CHODL: variants seen among roughly 807,000 people sequenced by gnomAD.
CHODL encodes transmembrane protein MT75.
CHODL carries 29 observed loss-of-function variants against 34.5 expected under a neutral mutation model. The observed-to-expected ratio is 0.84, with a 90% CI of 0.63 to 1.15. CHODL has a LOEUF of 1.15. Ranked by LOEUF, CHODL falls within the 50% of genes most tolerant of loss-of-function variation. The pLI, the probability that CHODL is intolerant of heterozygous loss-of-function variation, is 0.00. For missense variants in CHODL, 332 were observed against 332.5 expected (o/e 1.00, Z 0.01); for synonymous variants, 125 against 116.1 (o/e 1.08, Z -0.49).
intron 2 of CHODL, among the ~76,000 whole-genome samples, chr21:18,032,242 G>A (rs1399637909): frequency 1.3e-5 from 2 of 151,896 alleles, no homozygotes; most frequent in African/African-American, 4.8e-5. Context: ...AATGATAAGT[G>A]TATGAAATAA....
chr21:18,124,958 G>A (rs752036752), intron 2 of CHODL, among the ~76,000 whole-genome samples: 28 of 152,170 alleles, frequency 1.8e-4, no homozygotes, highest in African/African-American at 6.8e-4. Context: ...GGAATATAAG[G>A]TAGGAGTCTA....
chr21:18,036,315 C>G (rs931261375), intron 2 of CHODL, among the ~76,000 whole-genome samples: 1 of 151,980 alleles, frequency 6.6e-6, no homozygotes, highest in Admixed American at 6.6e-5. Flanking sequence ...GCATTTTATC[C>G]TTGGCTTTGT....
intron 1 of CHODL, among the ~76,000 whole-genome samples, chr21:18,252,720 T>C (rs994685080): frequency 6.6e-6 from 1 of 152,162 alleles, no homozygotes; most frequent in African/African-American, 2.4e-5. Context: ...CCTTGCTAGA[T>C]CTGAACTGTT....
intron 4 of CHODL, among the ~76,000 whole-genome samples, chr21:18,261,340 C>T (rs1490852589): frequency 6.7e-6 from 1 of 148,536 alleles, no homozygotes; most frequent in East Asian, 2.0e-4. Flanking sequence ...TGCACATGTA[C>T]ACTAAAACTT....
intron 2 of CHODL, among the ~76,000 whole-genome samples, chr21:18,037,966 C>A (rs550354055): frequency 6.6e-6 from 1 of 151,570 alleles, no homozygotes; most frequent in Non-Finnish European, 1.5e-5. Context: ...TGTTTTTTTC[C>A]GTGCTTTTAA....
intron 2 of CHODL, among the ~76,000 whole-genome samples, chr21:18,041,170 CATTT>C (rs1056662651): frequency 2.6e-5 from 4 of 151,768 alleles, no homozygotes; most frequent in African/African-American, 7.3e-5. Context: ...TCATTTTGTT[CATTT>C]GTTATCGGTG....
intron 2 of CHODL, among the ~76,000 whole-genome samples, chr21:18,041,104 A>C (rs566020352): frequency 6.6e-6 from 1 of 152,020 alleles, no homozygotes; most frequent in South Asian, 2.1e-4. Flanking sequence ...TTATATGATG[A>C]TTTCTGTAAG....
chr21:17,944,397 T>C (rs1377359489), intron 1 of CHODL, among the ~76,000 whole-genome samples: 2 of 152,162 alleles, frequency 1.3e-5, no homozygotes, highest in African/African-American at 4.8e-5. Context: ...CTGTATTTTT[T>C]GGAGAAATGT....
intron 2 of CHODL, among the ~76,000 whole-genome samples, chr21:18,159,984 C>T (rs991445668): frequency 3.3e-5 from 5 of 152,306 alleles, no homozygotes; most frequent in African/African-American, 1.2e-4. Context: ...AAAAGATCCT[C>T]ATCAGAATGT....
intron 2 of CHODL, among the ~76,000 whole-genome samples, chr21:18,028,698 TAAAAAAAAAAAAAA>T (rs34588468): frequency 2.3e-5 from 2 of 85,248 alleles, no homozygotes; most frequent in African/African-American, 9.2e-5. Context: ...AAACTCCATC[TAAAAAAAAAAAAAA>T]AAAAAAAAAA....
At chr21:18,114,770 G>C (rs2065392713) in intron 2 of CHODL, 1 of 152,190 alleles carries the variant, frequency 6.6e-6, no homozygotes, top group Admixed American at 6.5e-5. Flanking sequence ...TTCTTACCTT[G>C]GTATTGAAGG....
intron 2 of CHODL, among the ~76,000 whole-genome samples, chr21:18,150,531 G>A (rs1204172953): frequency 6.6e-6 from 1 of 152,176 alleles, no homozygotes; most frequent in African/African-American, 2.4e-5. Flanking sequence ...GCCTTTTCCG[G>A]GTTGCAGATT....
chr21:17,987,920 A>G (rs914309865), intron 1 of CHODL, among the ~76,000 whole-genome samples: 62 of 152,120 alleles, frequency 4.1e-4, no homozygotes, highest in African/African-American at 1.4e-3. Context: ...CATTATACTC[A>G]TAACCCATTC....
Position 17,965,999 on chromosome 21 carries a change from C to T in CHODL, c.-145+48599C>T, listed in dbSNP as rs574667537. On this transcript the variant is annotated intron_variant, in intron 1 of 6. Transcript: ENST00000400127. ...GTGGTTATGATACAACATGCAAATT[C>T]CTATGTTCTTGTATATATCACTATT... Among the ~76,000 whole-genome samples the T allele has an allele frequency of 4.0e-5, 6 of 149,682 alleles. No individual in the cohort carries two copies. The South Asian group carries it at 1.3e-3, about 32-fold the overall frequency.
At chr21:18,095,655 A>G (rs1568883675) in intron 2 of CHODL, among the ~76,000 whole-genome samples, 1 of 152,196 alleles carries the variant, frequency 6.6e-6, no homozygotes, top group Non-Finnish European at 1.5e-5. Flanking sequence ...CTCATTCTAC[A>G]AGGCCAGTAT....
chr21:18,124,996 T>C (rs559784600), intron 2 of CHODL, among the ~76,000 whole-genome samples: 1 of 152,246 alleles, frequency 6.6e-6, no homozygotes, highest in South Asian at 2.1e-4. Flanking sequence ...AGGTCTAGGA[T>C]CTCAAAAAAA....
intron 1 of CHODL, among the ~76,000 whole-genome samples, chr21:18,027,241 G>A (rs1436960896): frequency 6.6e-6 from 1 of 152,172 alleles, no homozygotes; most frequent in Admixed American, 6.5e-5. Flanking sequence ...GCCACTGTAC[G>A]CCAGCCTCTG....
Position 18,207,676 on chromosome 21 carries a change from T to TTTTTTG in CHODL, c.-44-48829_-44-48828insTGTTTT, listed in dbSNP as rs2073727558. On this transcript the variant is annotated intron_variant, in intron 2 of 6. Coordinates refer to the CHODL transcript ENST00000400127. ...TCTCTCAGCTTTTTTTTTTTTTTTT[T>TTTTTTG]TTTTGCGGGGAAAGTCTTTATTTAT... Among the ~76,000 whole-genome samples the TTTTTTG allele has an allele frequency of 1.3e-5, 2 of 149,466 alleles. 1 individual carries two copies. The highest frequency in any genetic ancestry group is 4.9e-5 in the African/African-American group (2 of 40,422).
chr21:17,948,356 TAAAC>T (rs1278831350), intron 1 of CHODL, among the ~76,000 whole-genome samples: 4 of 151,104 alleles, frequency 2.6e-5, no homozygotes, highest in Non-Finnish European at 4.4e-5. Context: ...AGATCTTAAA[TAAAC>T]AAGCTAACAT....
Sources: gnomAD v4.1 joint callset for allele counts (sites outside exome capture counted in the v4.1 genomes callset) on GRCh38, gnomAD v4.1.1 for gene constraint, MANE v1.5 for transcripts, NCBI Gene and HGNC (gene_info 2026-07-23, HGNC 2026-07-21) for gene names.